The following TENM3 variants were observed in gnomAD, a reference collection of about 807,000 sequenced individuals.
TENM3 encodes teneurin transmembrane protein 3.
Under a neutral mutation model 255.1 loss-of-function variants are expected in TENM3, and 63 were observed. That is an observed-to-expected ratio of 0.25 (90% CI 0.20 to 0.30). The LOEUF is 0.30. Ranked by LOEUF, TENM3 falls within the 10% of genes least tolerant of loss-of-function variation. TENM3 has a pLI of 1.00. For missense variants in TENM3, 2,929 were observed against 3,461.1 expected (o/e 0.85, Z 3.86); for synonymous variants, 1,306 against 1,322.3 (o/e 0.99, Z 0.27).
intron 1 of TENM3, among the ~76,000 whole-genome samples, chr4:182,202,400 G>A (rs1400528425): frequency 2.0e-5 from 3 of 150,372 alleles, no homozygotes; most frequent in Non-Finnish European, 4.4e-5. Context: ...CTGCCTCCCG[G>A]GTTCAAGTGA....
chr4:181,465,455 GT>G, the TENM3 span, among the ~76,000 whole-genome samples: 1 of 152,136 alleles, frequency 6.6e-6, no homozygotes, highest in African/African-American at 2.4e-5. Flanking sequence ...TTACCTTTGT[GT>G]TGATTATTCT....
At chr4:182,684,282 T>G (rs1225476884) in intron 11 of TENM3, among the ~76,000 whole-genome samples, 1 of 151,354 alleles carries the variant, frequency 6.6e-6, no homozygotes, top group Non-Finnish European at 1.5e-5. Flanking sequence ...ACATCCTGCT[T>G]AGATTAAACA....
At chr4:182,723,326 T>TA (rs1213712415) in intron 13 of TENM3, among the ~76,000 whole-genome samples, 1 of 152,162 alleles carries the variant, frequency 6.6e-6, no homozygotes, top group African/African-American at 2.4e-5. Context: ...TAACAAAAGT[T>TA]ACACCTGTAT....
intron 3 of TENM3, among the ~76,000 whole-genome samples, chr4:182,492,522 C>T (rs1735400938): frequency 6.6e-6 from 1 of 152,150 alleles, no homozygotes; most frequent in African/African-American, 2.4e-5. Flanking sequence ...GAATCTTTAG[C>T]TACAGTTTCC....
chr4:181,994,519 C>A, the TENM3 span, among the ~76,000 whole-genome samples: 1 of 136,502 alleles, frequency 7.3e-6, no homozygotes, highest in Non-Finnish European at 1.6e-5. Flanking sequence ...TTTACTTTGT[C>A]TTTTGTTGTT....
the TENM3 span, among the ~76,000 whole-genome samples, chr4:181,657,239 C>T: frequency 2.0e-5 from 3 of 152,300 alleles, no homozygotes; most frequent in South Asian, 4.1e-4. Context: ...ATTTGGGAAA[C>T]ACCATAGCAA....
rs749264020 is a variant in TENM3, at chr4:182,714,224, A to G, written c.2359A>G (p.Asn787Asp). Reference sequence around the variant, plus strand: ...GACTCTTTGCACAGATAGCAAGGACAATGAAGGAGGTAAGAAATACTGAGC... The same window carrying G: ...GACTCTTTGCACAGATAGCAAGGACGATGAAGGAGGTAAGAAATACTGAGC... ...METLCTDSKD[N>D]EGDGLIDCMD... Residue 787 changes from asparagine to aspartate, a missense_variant, in exon 13 of 28, where the codon AAT becomes GAT. Around this residue, in one of 6 missense-constraint regions of TENM3, gnomAD observed 1,608 missense variants for 1,884.4 expected, o/e 0.85. Transcript: ENST00000511685. 2.5e-6 allele frequency: 4 copies of G among 1,612,808 alleles called. No individual in the cohort carries two copies. In the Admixed American group the frequency reaches 6.7e-5, roughly 27 times the overall value.
chr4:181,660,287 T>C, the TENM3 span, among the ~76,000 whole-genome samples: 1 of 152,162 alleles, frequency 6.6e-6, no homozygotes, highest in Admixed American at 6.5e-5. Context: ...TCTGTTGTTC[T>C]GTTTATTGTG....
At chr4:181,879,034 A>G in the TENM3 span, among the ~76,000 whole-genome samples, 4 of 152,134 alleles carry the variant, frequency 2.6e-5, no homozygotes, top group Non-Finnish European at 5.9e-5. Flanking sequence ...ACTTAGTTTC[A>G]GATGAAAGTG....
At chr4:182,002,882 C>T in the TENM3 span, among the ~76,000 whole-genome samples, 2 of 152,076 alleles carry the variant, frequency 1.3e-5, no homozygotes, top group African/African-American at 4.8e-5. Context: ...ACCTTATGTC[C>T]TAAAACACGG....
chr4:182,694,085 T>G (rs1327029777), intron 12 of TENM3, among the ~76,000 whole-genome samples: 2 of 151,812 alleles, frequency 1.3e-5, no homozygotes, highest in Non-Finnish European at 2.9e-5. Flanking sequence ...GGTTTGAGGG[T>G]TGGTTTTATT....
chr4:181,661,200 G>A, the TENM3 span, among the ~76,000 whole-genome samples: 2 of 152,070 alleles, frequency 1.3e-5, no homozygotes, highest in Non-Finnish European at 2.9e-5. Context: ...TAATATCGAT[G>A]GGCACAATTC....
chr4:181,488,102 C>G, the TENM3 span, among the ~76,000 whole-genome samples: 1 of 152,172 alleles, frequency 6.6e-6, no homozygotes, highest in Non-Finnish European at 1.5e-5. Flanking sequence ...GTCAGGCAGC[C>G]AGTTGGATTC....
At chr4:181,933,125 G>T in the TENM3 span, among the ~76,000 whole-genome samples, 2 of 152,060 alleles carry the variant, frequency 1.3e-5, no homozygotes, top group African/African-American at 4.8e-5. Flanking sequence ...TAACAAACCT[G>T]CACGTTCTGC....
chr4:181,674,360 A>G, the TENM3 span, among the ~76,000 whole-genome samples: 1 of 152,174 alleles, frequency 6.6e-6, no homozygotes, highest in African/African-American at 2.4e-5. Context: ...TTATTAGTGT[A>G]TCTAGCTTAA....
chr4:181,542,007 G>A, the TENM3 span, among the ~76,000 whole-genome samples: 8 of 152,314 alleles, frequency 5.3e-5, no homozygotes, highest in Admixed American at 2.0e-4. Flanking sequence ...CGTTAGCTGA[G>A]TATCAACGAC....
the TENM3 span, among the ~76,000 whole-genome samples, chr4:181,967,875 T>G: frequency 6.6e-6 from 1 of 152,076 alleles, no homozygotes; most frequent in Non-Finnish European, 1.5e-5. Context: ...TTTCACACAG[T>G]TTGGCTGCTC....
the TENM3 span, among the ~76,000 whole-genome samples, chr4:181,787,163 C>CT: frequency 6.6e-6 from 1 of 152,172 alleles, no homozygotes; most frequent in Non-Finnish European, 1.5e-5. Flanking sequence ...GTTCCACCCC[C>CT]TCTGGTTTGA....
At chr4:182,050,486 G>A in the TENM3 span, among the ~76,000 whole-genome samples, 2 of 152,196 alleles carry the variant, frequency 1.3e-5, no homozygotes, top group Non-Finnish European at 2.9e-5. Context: ...GGAGGAAAGA[G>A]ACTAGTGCAG....
Sources: gnomAD v4.1 joint callset for allele counts (sites outside exome capture counted in the v4.1 genomes callset) on GRCh38, gnomAD v4.1.1 for gene constraint, gnomAD v4.1.1 regional missense constraint, MANE v1.5 for transcripts, NCBI Gene and HGNC (gene_info 2026-07-23, HGNC 2026-07-21) for gene names.